MARCHF11: variants seen among roughly 807,000 people sequenced by gnomAD.
The protein encoded by MARCHF11 is membrane associated ring-CH-type finger 11.
In MARCHF11, 29 loss-of-function variants were observed where a neutral mutation model predicts 37.3. The ratio of observed to expected loss-of-function variants is 0.78; its 90% CI spans 0.58 to 1.06. The LOEUF is 1.06. Among genes scored for constraint, MARCHF11 ranks in the 50% least tolerant of loss-of-function variants. The pLI, the probability that MARCHF11 is intolerant of heterozygous loss-of-function variation, is 0.00. For synonymous variants in MARCHF11, 233 were observed against 228.0 expected (o/e 1.02, Z -0.20); for missense variants, 482 against 533.4 (o/e 0.90, Z 0.95).
At chr5:16,095,210 C>G (rs1195284459) in intron 2 of MARCHF11, among the ~76,000 whole-genome samples, 2 of 152,174 alleles carry the variant, frequency 1.3e-5, no homozygotes, top group Non-Finnish European at 2.9e-5. Flanking sequence ...AAAGAGCTTT[C>G]TAGCTGAACT....
chr5:16,104,394 T>C (rs962902650), intron 2 of MARCHF11, among the ~76,000 whole-genome samples: 10 of 152,272 alleles, frequency 6.6e-5, no homozygotes, highest in African/African-American at 2.4e-4. Flanking sequence ...TGTGTGGTGA[T>C]AAAAGTTGAA....
At chr5:16,170,084 C>T (rs1281105909) in intron 2 of MARCHF11, among the ~76,000 whole-genome samples, 6 of 152,048 alleles carry the variant, frequency 3.9e-5, no homozygotes, top group Non-Finnish European at 7.4e-5. Flanking sequence ...ATGTTACAAC[C>T]GTGCAAACTG....
At chr5:16,105,063 A>T (rs540886369) in intron 2 of MARCHF11, among the ~76,000 whole-genome samples, 1 of 152,360 alleles carries the variant, frequency 6.6e-6, no homozygotes, top group East Asian at 1.9e-4. Flanking sequence ...CTAGCCCTTC[A>T]CTTCTGGAGG....
chr5:16,134,998 T>TCTCACACACACACACA (rs137865822), intron 2 of MARCHF11, among the ~76,000 whole-genome samples: 1 of 143,704 alleles, frequency 7.0e-6, no homozygotes, highest in African/African-American at 2.6e-5. Context: ...TCTCTCTCTC[T>TCTCACACACACACACA]CACACACACA....
At chr5:16,071,434 T>G (rs1281332984) in intron 3 of MARCHF11, among the ~76,000 whole-genome samples, 3 of 152,204 alleles carry the variant, frequency 2.0e-5, no homozygotes, top group Admixed American at 2.0e-4. Context: ...AGAAACATCT[T>G]TGTTAGAGAT....
intron 2 of MARCHF11, among the ~76,000 whole-genome samples, chr5:16,147,928 T>C (rs1737825948): frequency 6.6e-6 from 1 of 152,012 alleles, no homozygotes; most frequent in Non-Finnish European, 1.5e-5. Context: ...ACACTTCCAA[T>C]GAGATGAATG....
intron 2 of MARCHF11, among the ~76,000 whole-genome samples, chr5:16,129,757 A>G (rs1448340881): frequency 6.6e-6 from 1 of 152,182 alleles, no homozygotes; most frequent in East Asian, 1.9e-4. Context: ...TCAAGAAGAC[A>G]TAGTGATTTC....
chr5:16,127,139 G>A (rs1737421834), intron 2 of MARCHF11, among the ~76,000 whole-genome samples: 1 of 152,150 alleles, frequency 6.6e-6, no homozygotes, highest in African/African-American at 2.4e-5. Context: ...CAGTCACAGA[G>A]GTTGAATACT....
intron 2 of MARCHF11, among the ~76,000 whole-genome samples, chr5:16,159,188 T>G (rs1405597608): frequency 6.6e-6 from 1 of 151,914 alleles, no homozygotes; most frequent in East Asian, 1.9e-4. Context: ...TCTTGAAAAA[T>G]TATATAAATG....
chr5:16,091,866 G>T (rs536346910), intron 2 of MARCHF11, among the ~76,000 whole-genome samples: 2 of 152,266 alleles, frequency 1.3e-5, no homozygotes, highest in East Asian at 1.9e-4. Context: ...TGACTGGAGA[G>T]AATTAATTAA....
chr5:16,157,597 T>C (rs1560991422), intron 2 of MARCHF11, among the ~76,000 whole-genome samples: 1 of 151,934 alleles, frequency 6.6e-6, no homozygotes. Context: ...AAGGACGGTC[T>C]CTTCAATAAA....
chr5:16,153,786 C>T (rs189577416), intron 2 of MARCHF11, among the ~76,000 whole-genome samples: 62 of 152,072 alleles, frequency 4.1e-4, no homozygotes, highest in African/African-American at 1.5e-3. Flanking sequence ...GCTTGCCTTA[C>T]AGTTTGATGT....
chr5:16,105,779 T>G (rs1452036189), intron 2 of MARCHF11, among the ~76,000 whole-genome samples: 2 of 150,862 alleles, frequency 1.3e-5, no homozygotes, highest in African/African-American at 2.5e-5. Context: ...TGGCTTCCTG[T>G]TTTTTTTTGT....
intron 2 of MARCHF11, among the ~76,000 whole-genome samples, chr5:16,099,819 C>A (rs1736927079): frequency 6.6e-6 from 1 of 152,124 alleles, no homozygotes; most frequent in Non-Finnish European, 1.5e-5. Context: ...GGTGTCTTGA[C>A]AAGAGATCAT....
intron 2 of MARCHF11, among the ~76,000 whole-genome samples, chr5:16,156,425 C>T (rs1442890704): frequency 6.6e-6 from 1 of 151,876 alleles, no homozygotes; most frequent in Non-Finnish European, 1.5e-5. Flanking sequence ...CTATAACTGC[C>T]TTTAATAGTG....
At chr5:16,087,312 C>T (rs1350175838) in intron 3 of MARCHF11, among the ~76,000 whole-genome samples, 1 of 152,220 alleles carries the variant, frequency 6.6e-6, no homozygotes, top group Non-Finnish European at 1.5e-5. Flanking sequence ...GGCAATCACA[C>T]ATACTTTAAC....
chr5:16,070,255 A>G (rs1449872473), intron 3 of MARCHF11, among the ~76,000 whole-genome samples: 1 of 152,138 alleles, frequency 6.6e-6, no homozygotes, highest in Non-Finnish European at 1.5e-5. Flanking sequence ...TTCGGGTTCA[A>G]TTTTTCCTCC....
chr5:16,158,328 T>C (rs940322520), intron 2 of MARCHF11, among the ~76,000 whole-genome samples: 9 of 151,978 alleles, frequency 5.9e-5, no homozygotes, highest in Admixed American at 1.3e-4. Flanking sequence ...ACTCCCATAG[T>C]CATTGCAGCA....
intron 2 of MARCHF11, among the ~76,000 whole-genome samples, chr5:16,144,967 A>AG (rs1737776298): frequency 6.6e-6 from 1 of 152,210 alleles, no homozygotes; most frequent in Non-Finnish European, 1.5e-5. Flanking sequence ...AGTTTGTGGG[A>AG]AAATCATTAG....
Sources: allele counts gnomAD v4.1 joint callset (sites outside exome capture counted in the v4.1 genomes callset), GRCh38; gene constraint gnomAD v4.1.1; transcripts MANE v1.5; gene names NCBI Gene and HGNC (gene_info 2026-07-23, HGNC 2026-07-21).